The following PLCE1 variants were observed in gnomAD, a reference collection of about 807,000 sequenced individuals.
PLCE1 encodes the protein phospholipase C epsilon 1.
In PLCE1, 119 loss-of-function variants were observed where a neutral mutation model predicts 242.8. The ratio of observed to expected loss-of-function variants is 0.49; its 90% CI spans 0.42 to 0.57. The LOEUF (loss-of-function observed/expected upper bound fraction) is 0.57. Among genes scored for constraint, PLCE1 ranks in the 20% least tolerant of loss-of-function variants. The pLI is 0.00. For synonymous variants in PLCE1, 945 were observed against 1,017.4 expected (o/e 0.93, Z 1.35); for missense variants, 2,441 against 2,788.8 (o/e 0.88, Z 2.81).
chr10:94,087,058 C>A (rs780192071), intron 2 of PLCE1, among the ~76,000 whole-genome samples: 1 of 151,992 alleles, frequency 6.6e-6, no homozygotes, highest in African/African-American at 2.4e-5. Flanking sequence ...TATTTAAAAT[C>A]ATTTGCTGGC....
rs1002121939 is a variant in PLCE1 at position 94,274,592 on chromosome 10, G to A, written c.4665+872G>A. On this transcript the variant is annotated intron_variant, in intron 19 of 32. Coordinates refer to ENST00000371380, the MANE Select transcript of PLCE1 (RefSeq NM_016341.4). The stretch of plus-strand genomic sequence containing the variant: ...GCTAAGCAGGAAACATCAGTGTGAG[G>A]AGCCAGCTGGATACAGGACAGCTGG... Among the ~76,000 whole-genome samples, 3 of 152,272 alleles carry A rather than the reference G, an allele frequency of 2.0e-5. No individual in the cohort carries two copies. In the East Asian group the frequency reaches 5.8e-4, roughly 29 times the overall value.
At chr10:94,224,103 CGTGTGT>C (rs56911704) in intron 4 of PLCE1, among the ~76,000 whole-genome samples, 2 of 150,132 alleles carry the variant, frequency 1.3e-5, no homozygotes, top group South Asian at 2.1e-4. Context: ...GGTGTGTGTG[CGTGTGT>C]GTGTGTGTGT....
chr10:94,082,244 A>G (rs1321563276), intron 2 of PLCE1: 1 of 152,252 alleles, frequency 6.6e-6, no homozygotes, highest in Non-Finnish European at 1.5e-5. Flanking sequence ...GAAAATTAGG[A>G]CAAAGAGAAA....
intron 22 of PLCE1, among the ~76,000 whole-genome samples, chr10:94,288,574 G>GTCC (rs2052541254): frequency 6.6e-6 from 1 of 152,156 alleles, no homozygotes; most frequent in South Asian, 2.1e-4. Flanking sequence ...GGAGGTCCTG[G>GTCC]TCCCTGGGTT....
intron 1 of PLCE1, among the ~76,000 whole-genome samples, chr10:94,002,852 C>G (rs1454763763): frequency 6.6e-6 from 1 of 152,100 alleles, no homozygotes; most frequent in African/African-American, 2.4e-5. Context: ...AATTTTGGAT[C>G]CTAGATTCCT....
At chr10:94,125,121 G>A (rs549936419) in intron 2 of PLCE1, among the ~76,000 whole-genome samples, 29 of 152,248 alleles carry the variant, frequency 1.9e-4, no homozygotes, top group African/African-American at 6.5e-4. Context: ...ACTGTTCATT[G>A]AGAACTTATA....
intron 2 of PLCE1, chr10:94,096,629 C>T (rs940445991): frequency 1.3e-5 from 2 of 152,084 alleles, no homozygotes; most frequent in Non-Finnish European, 2.9e-5. Context: ...ATTAAATCCC[C>T]AGATTTGAGT....
Position 94,086,987 on chromosome 10 carries a change from G to A in PLCE1, c.1207-45187G>A, listed in dbSNP as rs148258343. Among the ~76,000 whole-genome samples, 338 of 152,102 alleles carry A rather than the reference G, an allele frequency of 2.2e-3. 1 individual carries two copies. Among genetic ancestry groups the A allele is most frequent in the Middle Eastern group, 6.8e-3 (2 of 294 alleles). On this transcript the variant is annotated intron_variant, in intron 2 of 32. Coordinates refer to ENST00000371380, the MANE Select transcript of PLCE1 (RefSeq NM_016341.4). ...ATTAGTATTCTTGTAATATTGGAGC[G>A]AATTCTTGTTTGGATGCATAAATTC...
intron 4 of PLCE1, among the ~76,000 whole-genome samples, chr10:94,171,960 G>A (rs2047995546): frequency 6.6e-6 from 1 of 152,148 alleles, no homozygotes; most frequent in Non-Finnish European, 1.5e-5. Context: ...GAGAAGGCAG[G>A]AAACGTGGGG....
chr10:94,156,797 A>G (rs1590143567), intron 3 of PLCE1, among the ~76,000 whole-genome samples: 1 of 152,154 alleles, frequency 6.6e-6, no homozygotes, highest in South Asian at 2.1e-4. Context: ...ACCAAAAGTT[A>G]CCTCATTAGA....
chr10:94,005,517 T>C (rs2134212827), intron 1 of PLCE1, among the ~76,000 whole-genome samples: 1 of 152,310 alleles, frequency 6.6e-6, no homozygotes. Flanking sequence ...TCTCAGCATC[T>C]TTACCAAGAA....
At chr10:94,255,177 A>G (rs2051028365) in intron 11 of PLCE1, 128 bp downstream of exon 11, 2 of 1,106,966 alleles carry the variant, frequency 1.8e-6, no homozygotes, top group Admixed American at 4.5e-5. Context: ...CTGAAAACTG[A>G]AAAATCCCAA....
chr10:94,232,501 G>T (rs1016891406), intron 5 of PLCE1, among the ~76,000 whole-genome samples: 6 of 152,172 alleles, frequency 3.9e-5, no homozygotes, highest in Non-Finnish European at 7.3e-5. Context: ...AGTCTTACTT[G>T]ATGGGGCAGT....
chr10:94,138,139 G>T, intron 3 of PLCE1: 2 of 393,958 alleles, frequency 5.1e-6, no homozygotes, highest in South Asian at 2.2e-5. Context: ...CCATGAACCA[G>T]ACTGCACCAT....
rs780213480 is a variant in PLCE1 at position 94,246,389 on chromosome 10, C to G, written c.2864C>G (p.Thr955Ser). ...GGCCACCCTGGCATTGATATACACA[C>G]TGTGTGTGTTCAGAACAAACTGGGT... is the stretch of plus-strand genomic sequence containing the variant. The part of the protein sequence containing the change: ...YMGHPGIDIH[T>S]VCVQNKLGSM... The change falls in exon 8 of 33, where the codon ACT (threonine) becomes AGT (serine). Residue 955 changes from threonine (T) to serine (S), a missense_variant. Thr to Ser is a moderately conservative substitution (Grantham distance 58). Transcript: ENST00000371380. The G allele has an allele frequency of 1.2e-5, 19 of 1,614,048 alleles. No homozygotes were observed. The highest frequency in any genetic ancestry group is 2.2e-5 in the South Asian group (2 of 91,088).
At chr10:93,999,408 T>C (rs1453440742) in intron 1 of PLCE1, among the ~76,000 whole-genome samples, 2 of 152,178 alleles carry the variant, frequency 1.3e-5, no homozygotes, top group Non-Finnish European at 2.9e-5. Flanking sequence ...AGTCCAAGCA[T>C]TCTGGCACTC....
intron 23 of PLCE1, among the ~76,000 whole-genome samples, chr10:94,297,799 A>G (rs945915591): frequency 5.3e-5 from 8 of 152,022 alleles, no homozygotes; most frequent in Non-Finnish European, 7.4e-5. Flanking sequence ...GCATGGATAT[A>G]CTGTCATTTA....
At chr10:94,299,823 GTTAAAA>G (rs1321084464) in intron 24 of PLCE1, among the ~76,000 whole-genome samples, 2 of 152,216 alleles carry the variant, frequency 1.3e-5, no homozygotes, top group African/African-American at 4.8e-5. Context: ...GCTTCTTTCA[GTTAAAA>G]TTAAATAAGA....
At chr10:94,236,190 C>A in intron 7 of PLCE1, 70 bp downstream of exon 7, 1 of 1,341,726 alleles carries the variant, frequency 7.5e-7, no homozygotes, top group Non-Finnish European at 1.1e-6. Flanking sequence ...TTGTTTCCTA[C>A]TTCAGCTTAG....
Sources: allele counts gnomAD v4.1 joint callset (sites outside exome capture counted in the v4.1 genomes callset), GRCh38; gene constraint gnomAD v4.1.1; transcripts MANE v1.5; gene names NCBI Gene and HGNC (gene_info 2026-07-23, HGNC 2026-07-21).